Variants in PPP2R2B observed in about 807,000 individuals in gnomAD.
PPP2R2B encodes serine/threonine-protein phosphatase 2A 55 kDa regulatory subunit B beta isoform.
A neutral mutation model predicts 46.0 loss-of-function variants in PPP2R2B; 5 were observed. The ratio of observed to expected loss-of-function variants is 0.11; its 90% CI spans 0.06 to 0.23. The LOEUF (loss-of-function observed/expected upper bound fraction) is 0.23. Among genes scored for constraint, PPP2R2B ranks in the 10% least tolerant of loss-of-function variants. The pLI is 1.00. For missense variants in PPP2R2B, 367 were observed against 575.0 expected (o/e 0.64, Z 3.70); for synonymous variants, 215 against 206.7 (o/e 1.04, Z -0.34).
At chr5:146,957,754 T>C (rs1250921863) in intron 1 of PPP2R2B, among the ~76,000 whole-genome samples, 4 of 152,124 alleles carry the variant, frequency 2.6e-5, no homozygotes, top group Non-Finnish European at 5.9e-5. Context: ...TAACACTATA[T>C]CTTGAATAAA....
At chr5:146,693,461 C>T (rs1779000085) in intron 4 of PPP2R2B, among the ~76,000 whole-genome samples, 1 of 151,864 alleles carries the variant, frequency 6.6e-6, no homozygotes, top group South Asian at 2.1e-4. Flanking sequence ...GCAGTCTGCC[C>T]ACCTTTGCCT....
intron 2 of PPP2R2B, among the ~76,000 whole-genome samples, chr5:146,813,900 C>T (rs946283126): frequency 1.3e-5 from 2 of 152,080 alleles, no homozygotes; most frequent in African/African-American, 4.8e-5. Context: ...GGCAAGATGG[C>T]AACAGTTTAG....
rs540998224 is a variant in PPP2R2B at position 147,069,785 on chromosome 5, G to GTTTTTTTTTTTTTTTT, written c.50+11258_50+11273dup. 1.6e-3 allele frequency among the ~76,000 whole-genome samples: 106 copies of GTTTTTTTTTTTTTTTT among 64,788 alleles called. 29 individuals are homozygous for GTTTTTTTTTTTTTTTT. The highest frequency in any genetic ancestry group is 5.1e-3 in the African/African-American group (67 of 13,260). The allele number at this position is 64,788 out of a possible 152,430, so 42.5% of individuals were successfully genotyped here. A position where few individuals can be genotyped will look rare whatever the true frequency, so the allele number is the denominator to read the frequency against. ...CTCCCACATGAACACATTTTATACTGTTTTTTTTTTTTTTTTTTTTTTTGA... is the reference window on the plus strand; with the variant it reads ...CTCCCACATGAACACATTTTATACTGTTTTTTTTTTTTTTTTTTTTTTTTTTTTTTTTTTTTTTTGA... On this transcript the variant is annotated intron_variant, in intron 2 of 10. Transcript: ENST00000394413.
chr5:146,996,382 C>T (rs1161361643), intron 1 of PPP2R2B, among the ~76,000 whole-genome samples: 1 of 151,950 alleles, frequency 6.6e-6, no homozygotes, highest in Non-Finnish European at 1.5e-5. Flanking sequence ...TCTTCTAAGT[C>T]GTGTGATGTG....
chr5:146,891,081 G>A (rs1762478847), intron 1 of PPP2R2B, among the ~76,000 whole-genome samples: 1 of 152,144 alleles, frequency 6.6e-6, no homozygotes. Flanking sequence ...AATAAAAGTG[G>A]CTGTCACAGA....
chr5:146,801,409 C>T (rs1448915816), intron 2 of PPP2R2B, among the ~76,000 whole-genome samples: 1 of 152,146 alleles, frequency 6.6e-6, no homozygotes, highest in Non-Finnish European at 1.5e-5. Context: ...TTTTATGACA[C>T]ATACATCAAA....
chr5:146,954,301 G>T (rs1225909384), intron 1 of PPP2R2B, among the ~76,000 whole-genome samples: 1 of 152,130 alleles, frequency 6.6e-6, no homozygotes, highest in Non-Finnish European at 1.5e-5. Context: ...ACATTGAAAT[G>T]ATTCCCATGT....
chr5:147,009,679 T>C (rs1438563213), intron 1 of PPP2R2B, among the ~76,000 whole-genome samples: 2 of 151,936 alleles, frequency 1.3e-5, no homozygotes, highest in African/African-American at 4.8e-5. Flanking sequence ...CCTAAAGATA[T>C]CACTTCACAT....
intron 1 of PPP2R2B, among the ~76,000 whole-genome samples, chr5:146,933,185 T>C (rs1345325518): frequency 2.0e-5 from 3 of 152,182 alleles, no homozygotes; most frequent in Non-Finnish European, 2.9e-5. Flanking sequence ...GATTGGAAAA[T>C]AATCCCATGT....
chr5:146,631,765 C>T (rs1398031430), intron 7 of PPP2R2B, among the ~76,000 whole-genome samples: 1 of 152,194 alleles, frequency 6.6e-6, no homozygotes. Context: ...GTGAAACTGT[C>T]GAGACCCAAT....
At chr5:146,969,162 A>G (rs1041710814) in intron 1 of PPP2R2B, among the ~76,000 whole-genome samples, 4 of 152,182 alleles carry the variant, frequency 2.6e-5, no homozygotes, top group African/African-American at 7.2e-5. Context: ...GAGCATTTGG[A>G]AGGCAGATCC....
chr5:146,715,400 T>C (rs1780438666), intron 2 of PPP2R2B, among the ~76,000 whole-genome samples: 2 of 152,216 alleles, frequency 1.3e-5, no homozygotes, highest in African/African-American at 2.4e-5. Context: ...ACTGCACAGT[T>C]TAGAAAAGCA....
intron 2 of PPP2R2B, among the ~76,000 whole-genome samples, chr5:146,730,763 A>G (rs951360789): frequency 6.6e-5 from 10 of 152,176 alleles, no homozygotes; most frequent in African/African-American, 2.4e-4. Context: ...GTGGAACTGT[A>G]AGTCCAATTA....
chr5:146,681,381 T>C (rs1044323737), intron 5 of PPP2R2B, among the ~76,000 whole-genome samples: 5 of 152,224 alleles, frequency 3.3e-5, no homozygotes, highest in African/African-American at 4.8e-5. Flanking sequence ...TTGTATGCCA[T>C]GTACATGCCT....
intron 5 of PPP2R2B, among the ~76,000 whole-genome samples, chr5:146,668,336 A>C (rs533254979): frequency 3.3e-5 from 5 of 152,276 alleles, no homozygotes; most frequent in Non-Finnish European, 5.9e-5. Flanking sequence ...ACTATTCCCT[A>C]GCTAGAAATT....
At chr5:146,741,991 C>T (rs559678920) in intron 2 of PPP2R2B, among the ~76,000 whole-genome samples, 11 of 152,182 alleles carry the variant, frequency 7.2e-5, no homozygotes, top group South Asian at 2.1e-4. Flanking sequence ...TTTTCTTAAT[C>T]GAGCCCATTA....
At chr5:146,652,878 T>G (rs563464727) in intron 5 of PPP2R2B, among the ~76,000 whole-genome samples, 1 of 152,224 alleles carries the variant, frequency 6.6e-6, no homozygotes, top group Admixed American at 6.5e-5. Context: ...AGATGTACAA[T>G]GGAAAACAAG....
chr5:146,936,554 A>AT (rs1380449406), intron 1 of PPP2R2B, among the ~76,000 whole-genome samples: 3 of 149,860 alleles, frequency 2.0e-5, no homozygotes, highest in Non-Finnish European at 4.4e-5. Flanking sequence ...GTCTATTGAG[A>AT]TTTTTACAGT....
chr5:146,990,658 A>C (rs750225608), intron 1 of PPP2R2B, among the ~76,000 whole-genome samples: 1 of 152,176 alleles, frequency 6.6e-6, no homozygotes, highest in Non-Finnish European at 1.5e-5. Flanking sequence ...TGGAGTAGGC[A>C]AAGATTTTTC....
Sources: allele counts gnomAD v4.1 joint callset (sites outside exome capture counted in the v4.1 genomes callset), GRCh38; gene constraint gnomAD v4.1.1; transcripts MANE v1.5; gene names NCBI Gene and HGNC (gene_info 2026-07-23, HGNC 2026-07-21).